DSCAML1: variants seen among roughly 807,000 people sequenced by gnomAD.
The protein encoded by DSCAML1 is cell adhesion molecule DSCAML1.
Under a neutral mutation model 200.5 loss-of-function variants are expected in DSCAML1, and 38 were observed. That is an observed-to-expected ratio of 0.19 (90% CI 0.15 to 0.25). The LOEUF is 0.25. Among genes scored for constraint, DSCAML1 ranks in the 10% least tolerant of loss-of-function variants. The pLI is 1.00. For synonymous variants in DSCAML1, 1,215 were observed against 1,165.0 expected, an observed-to-expected ratio of 1.04 and a Z score of -0.87; for missense variants, 2,223 against 2,858.8, an observed-to-expected ratio of 0.78 and a Z score of 5.07.
intron 3 of DSCAML1, among the ~76,000 whole-genome samples, chr11:117,645,870 T>C (rs2052511530): frequency 6.6e-6 from 1 of 151,828 alleles, no homozygotes; most frequent in Non-Finnish European, 1.5e-5. Context: ...CTGTACATTG[T>C]GCACATGTAC....
chr11:117,715,578 C>A (rs192259780), intron 3 of DSCAML1, among the ~76,000 whole-genome samples: 1 of 152,192 alleles, frequency 6.6e-6, no homozygotes, highest in South Asian at 2.1e-4. Context: ...TCTGGTGATG[C>A]CGATTTTGTC....
intron 3 of DSCAML1, among the ~76,000 whole-genome samples, chr11:117,709,901 C>T (rs544495774): frequency 6.6e-6 from 1 of 152,302 alleles, no homozygotes; most frequent in Non-Finnish European, 1.5e-5. Flanking sequence ...GGAGCAGGGG[C>T]CTGGCTCAGA....
chr11:117,618,087 A>C (rs962261570), intron 3 of DSCAML1, among the ~76,000 whole-genome samples: 5 of 152,256 alleles, frequency 3.3e-5, no homozygotes, highest in African/African-American at 1.2e-4. Flanking sequence ...TCATTCAAAA[A>C]GGACAATTGC....
intron 3 of DSCAML1, among the ~76,000 whole-genome samples, chr11:117,739,323 C>T (rs1304173594): frequency 6.6e-6 from 1 of 152,176 alleles, no homozygotes; most frequent in Non-Finnish European, 1.5e-5. Context: ...GTTAGAAATG[C>T]AAATTCTTGG....
rs113638575 is a variant in DSCAML1, at chr11:117,469,662, G to A, written c.3024+248C>T. ...CCCTCCTTGGCACTGCAAGTTTTTC[G>A]TTCCACCCCAGGCAGAGCCTCCATC... On this transcript the variant is annotated intron_variant, in intron 16 of 32. Transcript: ENST00000651296. The surrounding 1 kb of genome is among the most constrained non-coding windows in gnomAD (Gnocchi z 4.1). Among the ~76,000 whole-genome samples the A allele has an allele frequency of 8.6e-5, 13 of 151,918 alleles. No individual in the cohort carries two copies. The highest frequency in any genetic ancestry group is 1.8e-4 in the Non-Finnish European group (12 of 67,978).
At chr11:117,643,237 A>G (rs1320440418) in intron 3 of DSCAML1, among the ~76,000 whole-genome samples, 5 of 152,202 alleles carry the variant, frequency 3.3e-5, no homozygotes, top group Non-Finnish European at 5.9e-5. Flanking sequence ...CAGAAAATAT[A>G]AATAGCTTCT....
intron 3 of DSCAML1, among the ~76,000 whole-genome samples, chr11:117,692,130 C>A (rs559598096): frequency 3.3e-5 from 5 of 152,042 alleles, no homozygotes; most frequent in Non-Finnish European, 5.9e-5. Context: ...TGCAAGGTGT[C>A]CTTTTCCTAA....
intron 3 of DSCAML1, among the ~76,000 whole-genome samples, chr11:117,745,839 A>G (rs1033559942): frequency 6.6e-6 from 1 of 152,168 alleles, no homozygotes; most frequent in Non-Finnish European, 1.5e-5. Context: ...CGTCTGTAAC[A>G]TGGAGATAAT....
At chr11:117,513,274 G>A (rs545153560) in intron 8 of DSCAML1, among the ~76,000 whole-genome samples, 164 of 152,242 alleles carry the variant, frequency 1.1e-3, no homozygotes, top group African/African-American at 3.8e-3. Flanking sequence ...TAGGTCCCTG[G>A]TGGTACGGCA....
chr11:117,572,534 C>G (rs930941346), intron 3 of DSCAML1, among the ~76,000 whole-genome samples: 2 of 152,168 alleles, frequency 1.3e-5, no homozygotes, highest in African/African-American at 4.8e-5. Context: ...TGCCCCATCC[C>G]CTTTAGTGAA....
At chr11:117,640,346 T>C (rs1284010956) in intron 3 of DSCAML1, among the ~76,000 whole-genome samples, 5 of 152,194 alleles carry the variant, frequency 3.3e-5, no homozygotes, top group Non-Finnish European at 5.9e-5. Flanking sequence ...CACCCTGACC[T>C]ATGTGACCTG....
chr11:117,555,591 T>A (rs1191733930), intron 3 of DSCAML1, among the ~76,000 whole-genome samples: 1 of 152,016 alleles, frequency 6.6e-6, no homozygotes, highest in Non-Finnish European at 1.5e-5. Context: ...GAAGGCCACA[T>A]CATATGCAAA....
At chr11:117,635,473 T>C (rs1035797079) in intron 3 of DSCAML1, among the ~76,000 whole-genome samples, 60 of 150,574 alleles carry the variant, frequency 4.0e-4, no homozygotes, top group Admixed American at 5.9e-4. Flanking sequence ...TGTGTGTGTG[T>C]GCGTGTGTGT....
At chr11:117,626,028 T>G (rs547235921) in intron 3 of DSCAML1, among the ~76,000 whole-genome samples, 2 of 152,328 alleles carry the variant, frequency 1.3e-5, no homozygotes, top group East Asian at 3.9e-4. Context: ...TATGGACACT[T>G]TGAGGCTAGT....
At position 117,463,038 on chromosome 11, in the gene DSCAML1, C is replaced by T. The variant is rs1462442739; in HGVS notation, c.3266-1442G>A. On this transcript the variant is annotated intron_variant, in intron 17 of 32. Coordinates refer to ENST00000651296, the MANE Select transcript of DSCAML1 (RefSeq NM_020693.4). This position sits in a 1 kb window ranked among gnomAD's most constrained non-coding sequence, Gnocchi z 4.0. Reference sequence around the variant, plus strand: ...GCCCGGGTGGTGCATGGGAGCTTAGCGTTAGGTGGGGCAGGCTGGCCTCGG... The same window carrying T: ...GCCCGGGTGGTGCATGGGAGCTTAGTGTTAGGTGGGGCAGGCTGGCCTCGG... Among the ~76,000 whole-genome samples, 2 of 152,166 alleles carry T rather than the reference C, an allele frequency of 1.3e-5. No individual in the cohort carries two copies. The highest frequency in any genetic ancestry group is 2.9e-5 in the Non-Finnish European group (2 of 68,032).
At chr11:117,541,208 T>C (rs1256247102) in intron 3 of DSCAML1, among the ~76,000 whole-genome samples, 1 of 152,272 alleles carries the variant, frequency 6.6e-6, no homozygotes, top group East Asian at 1.9e-4. Flanking sequence ...TTCAGGTCTC[T>C]GCTTAGTAGA....
chr11:117,504,819 C>T lies in DSCAML1; in HGVS notation c.2182+105G>A. The T allele has an allele frequency of 7.0e-7, 1 of 1,435,512 alleles. No individual in the cohort carries two copies. Among genetic ancestry groups the T allele is most frequent in the Admixed American group, 2.3e-5 (1 of 43,316 alleles). The allele number at this position is 1,435,512 out of a possible 1,614,324, so 88.9% of individuals were successfully genotyped here. A position where few individuals can be genotyped will look rare whatever the true frequency, so the allele number is the denominator to read the frequency against. Reference sequence around the variant, plus strand: ...GGGGTGCAGACCAGAGGACTCCCATCCAGGGATAGGAGTTGCCTGCATGGA... The same window carrying T: ...GGGGTGCAGACCAGAGGACTCCCATTCAGGGATAGGAGTTGCCTGCATGGA... On this transcript the variant is annotated intron_variant, in intron 10 of 32. Transcript: ENST00000651296. The surrounding 1 kb of genome is among the most constrained non-coding windows in gnomAD (Gnocchi z 5.0).
intron 1 of DSCAML1, among the ~76,000 whole-genome samples, chr11:117,790,155 T>G (rs1729889053): frequency 2.0e-5 from 3 of 152,192 alleles, no homozygotes; most frequent in African/African-American, 7.2e-5. Flanking sequence ...GAGATTCCAG[T>G]GAATACTGTG....
intron 3 of DSCAML1, among the ~76,000 whole-genome samples, chr11:117,688,061 C>A (rs1222086348): frequency 4.0e-5 from 6 of 151,300 alleles, no homozygotes; most frequent in Non-Finnish European, 8.9e-5. Context: ...GAGGAAGAAG[C>A]GCTCATTCAG....
Sources: allele counts gnomAD v4.1 joint callset (sites outside exome capture counted in the v4.1 genomes callset), GRCh38; gene constraint gnomAD v4.1.1; non-coding constraint Gnocchi (gnomAD v3.1); transcripts MANE v1.5; gene names NCBI Gene and HGNC (gene_info 2026-07-23, HGNC 2026-07-21).